RGL1: variants seen among roughly 807,000 people sequenced by gnomAD.
RGL1 encodes the protein ral guanine nucleotide dissociation stimulator like 1, also known as ral guanine nucleotide dissociation stimulator-like 1.
Under a neutral mutation model 95.2 loss-of-function variants are expected in RGL1, and 24 were observed. That is an observed-to-expected ratio of 0.25 (90% confidence interval 0.18 to 0.35). The LOEUF is 0.35. Ranked by LOEUF, RGL1 falls within the 10% of genes least tolerant of loss-of-function variation. The pLI is 1.00. For missense variants in RGL1, 715 were observed against 936.3 expected, an observed-to-expected ratio of 0.76 and a Z score of 3.08; for synonymous variants, 329 against 344.9, an observed-to-expected ratio of 0.95 and a Z score of 0.51.
At chr1:183,644,895 C>T (rs116772908) in intron 1 of RGL1, among the ~76,000 whole-genome samples, 2 of 152,010 alleles carry the variant, frequency 1.3e-5, no homozygotes, top group African/African-American at 2.4e-5. Context: ...ACATAGAAAA[C>T]GGATTTCTAG....
chr1:183,647,724 C>T, intron 1 of RGL1: 1 of 1,609,538 alleles, frequency 6.2e-7, no homozygotes, highest in South Asian at 1.1e-5. Context: ...CTCCTTGCTA[C>T]TTGCAAACTG....
chr1:183,907,537 A>G lies in RGL1; in HGVS notation c.1562+436A>G, dbSNP rs182833492. ...CCTGCAGACTTCCCTCTCTTACAAC[A>G]TTGCCCTCTGTTCACCAGTGTTGAA... On this transcript the variant is annotated intron_variant, in intron 14 of 17. Coordinates refer to ENST00000360851, the MANE Select transcript of RGL1 (RefSeq NM_001297671.3). Among the ~76,000 whole-genome samples the G allele has an allele frequency of 1.3e-3, 204 of 152,192 alleles. 1 individual carries two copies. The highest frequency in any genetic ancestry group is 2.1e-3 in the Non-Finnish European group (145 of 68,014).
At chr1:183,740,730 TAAAAG>T (rs373611633) in intron 1 of RGL1, among the ~76,000 whole-genome samples, 7 of 152,296 alleles carry the variant, frequency 4.6e-5, no homozygotes, top group African/African-American at 1.7e-4. Context: ...ATAAAAAAGT[TAAAAG>T]GAAGAGGTAA....
chr1:183,910,630 T>C (rs1401599960), intron 14 of RGL1, among the ~76,000 whole-genome samples: 1 of 152,188 alleles, frequency 6.6e-6, no homozygotes, highest in South Asian at 2.1e-4. Flanking sequence ...CCATATCTTT[T>C]CACTGTTCTT....
chr1:183,834,390 T>C (rs1663485851), intron 2 of RGL1, among the ~76,000 whole-genome samples: 1 of 152,094 alleles, frequency 6.6e-6, no homozygotes, highest in African/African-American at 2.4e-5. Context: ...CTCCCCTTCA[T>C]TTTTTCCTGA....
chr1:183,734,695 A>T (rs1444368063), intron 1 of RGL1, among the ~76,000 whole-genome samples: 1 of 152,262 alleles, frequency 6.6e-6, no homozygotes, highest in East Asian at 1.9e-4. Context: ...AGCCTGGGAC[A>T]GTCATGTGAT....
intron 1 of RGL1, among the ~76,000 whole-genome samples, chr1:183,709,152 C>A (rs1033375139): frequency 6.6e-6 from 1 of 152,152 alleles, no homozygotes; most frequent in African/African-American, 2.4e-5. Context: ...GGGTACGTGT[C>A]TTCTGCCGGC....
chr1:183,884,671 G>A, intron 6 of RGL1, 52 bp from the exon 7 acceptor site: 4 of 1,472,648 alleles, frequency 2.7e-6, no homozygotes, highest in Non-Finnish European at 3.8e-6. Flanking sequence ...GACATGCTTT[G>A]CCATATGAAA....
chr1:183,828,497 G>A (rs527738778), intron 2 of RGL1, among the ~76,000 whole-genome samples: 4 of 152,268 alleles, frequency 2.6e-5, no homozygotes, highest in East Asian at 3.9e-4. Flanking sequence ...TGACCTACTC[G>A]GCCGTCTGGT....
chr1:183,713,385 C>T lies in RGL1; in HGVS notation c.-32-28741C>T, dbSNP rs1024180939. ...AAAAAAATCTAGAGGCACCCCCCCC[C>T]CCCGCTTTTATAATGACCCTTTTGA... is the stretch of plus-strand genomic sequence containing the variant. On this transcript the variant is annotated intron_variant, in intron 1 of 18. Coordinates refer to the RGL1 transcript ENST00000304685. Among the ~76,000 whole-genome samples, 4 of 137,864 alleles carry T rather than the reference C, an allele frequency of 2.9e-5. 1 individual carries two copies. Among genetic ancestry groups the T allele is most frequent in the South Asian group, 5.2e-4 (2 of 3,852 alleles). 90.4% of individuals were successfully genotyped at this position (137,864 alleles called of 152,430 possible). A position where few individuals can be genotyped will look rare whatever the true frequency, so the allele number is the denominator to read the frequency against.
At chr1:183,686,363 C>T (rs1487331348) in intron 1 of RGL1, among the ~76,000 whole-genome samples, 3 of 152,152 alleles carry the variant, frequency 2.0e-5, no homozygotes, top group African/African-American at 4.8e-5. Flanking sequence ...TTCAGTTGGT[C>T]AGAGGTAGGG....
intron 2 of RGL1, among the ~76,000 whole-genome samples, chr1:183,837,117 C>T (rs1003385349): frequency 2.0e-5 from 3 of 152,128 alleles, no homozygotes; most frequent in Non-Finnish European, 2.9e-5. Context: ...TAGTTGCTAC[C>T]CTTCCCCGTA....
chr1:183,790,422 T>G (rs1229730442), intron 2 of RGL1, among the ~76,000 whole-genome samples: 1 of 152,142 alleles, frequency 6.6e-6, no homozygotes, highest in African/African-American at 2.4e-5. Flanking sequence ...GCAGCTTGAG[T>G]CTGGTATGGA....
intron 1 of RGL1, among the ~76,000 whole-genome samples, chr1:183,683,806 C>T (rs1234294033): frequency 6.6e-6 from 1 of 152,178 alleles, no homozygotes; most frequent in Non-Finnish European, 1.5e-5. Context: ...GTACACCAAT[C>T]AAATGTAGGT....
chr1:183,839,709 G>A (rs1342973470), intron 2 of RGL1, among the ~76,000 whole-genome samples: 3 of 152,158 alleles, frequency 2.0e-5, no homozygotes, highest in South Asian at 4.1e-4. Flanking sequence ...TCCTTAGCAT[G>A]CAACCTAAGT....
Position 183,926,339 on chromosome 1 carries a change from G to T in RGL1, c.*47G>T. ...TGTTTGCCAAAGGCAGAGTGGGGCT[G>T]AGAAACAGGCTGCGGTGATTGCAAT... On this transcript the variant is annotated 3_prime_UTR_variant, in exon 18 of 18. Coordinates refer to ENST00000360851, the MANE Select transcript of RGL1 (RefSeq NM_001297671.3). 1 of 1,531,150 alleles carries T rather than the reference G, an allele frequency of 6.5e-7. No individual in the cohort carries two copies. The highest frequency in any genetic ancestry group is 1.2e-5 in the South Asian group (1 of 82,858). 94.8% of individuals were successfully genotyped at this position (1,531,150 alleles called of 1,614,324 possible).
intron 1 of RGL1, among the ~76,000 whole-genome samples, chr1:183,682,693 C>T (rs1653303091): frequency 6.6e-6 from 1 of 152,060 alleles, no homozygotes; most frequent in African/African-American, 2.4e-5. Flanking sequence ...GTGCTTGGTC[C>T]AGAGCTGAGT....
rs139805852 is a variant in RGL1, at chr1:183,903,415, T to A, written c.1350+815T>A. On this transcript the variant is annotated intron_variant, in intron 12 of 17. Transcript: ENST00000360851. ...AAACAGTCTTGAAATTTTTCTGTGA[T>A]TTTCATATTCAAATGGCATATTTAA... 4.4e-3 allele frequency among the ~76,000 whole-genome samples: 668 copies of A among 152,314 alleles called. 1 individual carries two copies. The highest frequency in any genetic ancestry group is 7.1e-3 in the Non-Finnish European group (483 of 68,018).
At chr1:183,878,727 C>T (rs780630292) in intron 4 of RGL1, among the ~76,000 whole-genome samples, 4 of 152,092 alleles carry the variant, frequency 2.6e-5, no homozygotes, top group Non-Finnish European at 4.4e-5. Flanking sequence ...AATATATTAG[C>T]ATCACTGACT....
Sources: allele counts gnomAD v4.1 joint callset (sites outside exome capture counted in the v4.1 genomes callset), GRCh38; gene constraint gnomAD v4.1.1; transcripts MANE v1.5; gene names NCBI Gene and HGNC (gene_info 2026-07-23, HGNC 2026-07-21).